The following RALYL variants were observed in gnomAD, a reference collection of about 807,000 sequenced individuals.
The protein encoded by RALYL is RALY RNA binding protein like.
A neutral mutation model predicts 35.1 loss-of-function variants in RALYL; 29 were observed. The observed-to-expected ratio is 0.83, with a 90% CI of 0.61 to 1.13. The LOEUF (loss-of-function observed/expected upper bound fraction) is 1.13, where lower values mean the gene tolerates loss of function less well. RALYL is among the 50% of genes most tolerant of loss of function. The pLI is 0.00. For missense variants in RALYL, 359 were observed against 360.4 expected, an observed-to-expected ratio of 1.00 and a Z score of 0.03; for synonymous variants, 120 against 127.6, an observed-to-expected ratio of 0.94 and a Z score of 0.40.
intron 2 of RALYL, among the ~76,000 whole-genome samples, chr8:84,696,692 A>G (rs545184478): frequency 6.6e-6 from 1 of 152,054 alleles, no homozygotes; most frequent in East Asian, 1.9e-4. Context: ...TTTTCCCACC[A>G]TAATTTCTGT....
intron 1 of RALYL, among the ~76,000 whole-genome samples, chr8:84,417,277 A>G (rs2044825032): frequency 6.6e-6 from 1 of 152,038 alleles, no homozygotes; most frequent in African/African-American, 2.4e-5. Context: ...ATAACAAGAG[A>G]GTCAGTTTTT....
chr8:84,263,552 A>T (rs184194387), intron 1 of RALYL, among the ~76,000 whole-genome samples: 1 of 152,288 alleles, frequency 6.6e-6, no homozygotes, highest in Admixed American at 6.5e-5. Flanking sequence ...TTGTTAACCA[A>T]AGGTTAATCT....
rs555897059 is a variant in RALYL, at chr8:84,305,455, G to A, written c.-24+121031G>A. Reference sequence around the variant, plus strand: ...TTAAGCTTAAGTTTGGAAAAATAACGTATATAGAGGATTACTTAAAAATTT... The same window carrying A: ...TTAAGCTTAAGTTTGGAAAAATAACATATATAGAGGATTACTTAAAAATTT... On this transcript the variant is annotated intron_variant, in intron 1 of 8. Coordinates refer to ENST00000521268, the MANE Select transcript of RALYL (RefSeq NM_173848.7). Among the ~76,000 whole-genome samples the A allele has an allele frequency of 9.1e-4, 139 of 152,238 alleles. 2 individuals are homozygous for A. The South Asian group carries it at 0.026, about 29-fold the overall frequency.
chr8:84,663,407 TC>T (rs1207669774), intron 2 of RALYL, among the ~76,000 whole-genome samples: 1 of 152,156 alleles, frequency 6.6e-6, no homozygotes, highest in South Asian at 2.1e-4. Context: ...TGCCACACTG[TC>T]TTCCACAATG....
chr8:84,329,199 C>G (rs1846368587), intron 1 of RALYL, among the ~76,000 whole-genome samples: 1 of 152,112 alleles, frequency 6.6e-6, no homozygotes, highest in Non-Finnish European at 1.5e-5. Flanking sequence ...TCCACAGTAG[C>G]TGACCTAATT....
chr8:84,360,060 A>G (rs922675674), intron 1 of RALYL, among the ~76,000 whole-genome samples: 2 of 152,022 alleles, frequency 1.3e-5, no homozygotes, highest in African/African-American at 2.4e-5. Context: ...TTTAGTAAAG[A>G]TGGGGTTTTG....
chr8:84,571,151 T>A (rs986947685), intron 2 of RALYL, among the ~76,000 whole-genome samples: 2 of 151,836 alleles, frequency 1.3e-5, no homozygotes, highest in Non-Finnish European at 2.9e-5. Flanking sequence ...TTTCTTAGAA[T>A]AAGCTAGGGA....
At chr8:84,207,421 A>G (rs1586175945) in intron 1 of RALYL, among the ~76,000 whole-genome samples, 1 of 152,112 alleles carries the variant, frequency 6.6e-6, no homozygotes, top group Non-Finnish European at 1.5e-5. Context: ...GTGAGACACC[A>G]TGGATGAACC....
In RALYL at chr8:84,205,304, A is replaced by G. The variant is rs535006515; in HGVS notation, c.-24+20880A>G. On this transcript the variant is annotated intron_variant, in intron 1 of 8. Transcript: ENST00000521268. ...AATGATTTCCAGGGTCCACCCCTCT[A>G]ATAGCTGTTGTCTTTAGTTTTTCAA... 2.0e-5 allele frequency among the ~76,000 whole-genome samples: 3 copies of G among 152,276 alleles called. No individual in the cohort carries two copies. The South Asian group carries it at 6.2e-4, about 32-fold the overall frequency.
intron 2 of RALYL, among the ~76,000 whole-genome samples, chr8:84,557,697 A>G (rs1315029402): frequency 6.6e-6 from 1 of 152,206 alleles, no homozygotes; most frequent in African/African-American, 2.4e-5. Context: ...TACTATATTT[A>G]CTATTTATTC....
chr8:84,393,736 C>T (rs1450550459), intron 1 of RALYL, among the ~76,000 whole-genome samples: 3 of 152,094 alleles, frequency 2.0e-5, no homozygotes, highest in East Asian at 1.9e-4. Context: ...CTTAAGTTGT[C>T]GCTAACCCTT....
intron 8 of RALYL, among the ~76,000 whole-genome samples, chr8:84,895,834 T>G (rs892152567): frequency 6.6e-6 from 1 of 152,144 alleles, no homozygotes; most frequent in Non-Finnish European, 1.5e-5. Context: ...TTTATTGTCC[T>G]ACTTAACTTC....
At chr8:84,853,160 A>G (rs1836235277) in intron 5 of RALYL, among the ~76,000 whole-genome samples, 1 of 152,190 alleles carries the variant, frequency 6.6e-6, no homozygotes, top group South Asian at 2.1e-4. Context: ...CCTCCTGGGA[A>G]TGCAGCCCAG....
intron 8 of RALYL, among the ~76,000 whole-genome samples, chr8:84,898,512 A>G (rs1845139038): frequency 6.6e-6 from 1 of 152,338 alleles, no homozygotes; most frequent in East Asian, 1.9e-4. Flanking sequence ...TACATGAAGA[A>G]GAAAGGGCAA....
At chr8:84,317,360 A>G (rs1357620093) in intron 1 of RALYL, among the ~76,000 whole-genome samples, 1 of 152,152 alleles carries the variant, frequency 6.6e-6, no homozygotes, top group Non-Finnish European at 1.5e-5. Flanking sequence ...CAGCAACTGC[A>G]TACAGATTTT....
chr8:84,575,448 C>T (rs932092618), intron 2 of RALYL, among the ~76,000 whole-genome samples: 3 of 152,058 alleles, frequency 2.0e-5, no homozygotes, highest in African/African-American at 7.2e-5. Flanking sequence ...AAATAATTTA[C>T]TTTACATTTT....
intron 2 of RALYL, among the ~76,000 whole-genome samples, chr8:84,617,354 A>G (rs1820011975): frequency 6.6e-6 from 1 of 150,778 alleles, no homozygotes; most frequent in African/African-American, 2.5e-5. Flanking sequence ...CTTTGAAGCA[A>G]TTGTGAATGG....
chr8:84,267,215 T>C (rs940272021), intron 1 of RALYL, among the ~76,000 whole-genome samples: 1 of 152,160 alleles, frequency 6.6e-6, no homozygotes, highest in Non-Finnish European at 1.5e-5. Context: ...AGAAAAATTA[T>C]TTCATAGTGA....
intron 6 of RALYL, among the ~76,000 whole-genome samples, chr8:84,866,178 G>T (rs952238555): frequency 6.6e-6 from 1 of 152,150 alleles, no homozygotes; most frequent in Non-Finnish European, 1.5e-5. Context: ...TGAGCCAGTA[G>T]ATTCTGAAAG....
Sources: allele counts gnomAD v4.1 joint callset (sites outside exome capture counted in the v4.1 genomes callset), GRCh38; gene constraint gnomAD v4.1.1; transcripts MANE v1.5; gene names NCBI Gene and HGNC (gene_info 2026-07-23, HGNC 2026-07-21).